The following MYOF variants were observed in gnomAD, a reference collection of about 807,000 sequenced individuals.
MYOF encodes the protein fer-1-like 3, myoferlin.
Under a neutral mutation model 284.2 loss-of-function variants are expected in MYOF, and 244 were observed. The ratio of observed to expected loss-of-function variants is 0.86; its 90% CI spans 0.77 to 0.95. The LOEUF (loss-of-function observed/expected upper bound fraction) is 0.95. MYOF is among the 40% of genes least tolerant of loss of function. The pLI is 0.00. For missense variants in MYOF, 2,496 were observed against 2,560.6 expected, an observed-to-expected ratio of 0.97 and a Z score of 0.54; for synonymous variants, 904 against 919.7, an observed-to-expected ratio of 0.98 and a Z score of 0.31.
rs748623906 is a variant in MYOF, at chr10:93,431,469, T to C, written c.284A>G (p.Gln95Arg). 4.3e-6 allele frequency: 7 copies of C among 1,614,010 alleles called. No individual in the cohort carries two copies. The African/African-American group carries it at 5.3e-5, about 12-fold the overall frequency. The change falls in exon 4 of 54, where the codon CAG becomes CGG. Residue 95 changes from glutamine (Q) to arginine (R), a missense_variant. Transcript: ENST00000359263. ...CAGCTTGTACGGCAGGGATCTGCTCTGGTCACCAGTCAGGTCCTTCAGGGC... is the reference window on the plus strand; with the variant it reads ...CAGCTTGTACGGCAGGGATCTGCTCCGGTCACCAGTCAGGTCCTTCAGGGC... ...TVALKDLTGDQSRSLPYKLIS... is the reference protein window; with the variant it reads ...TVALKDLTGDRSRSLPYKLIS...
chr10:93,393,161 A>T (rs1260620390), intron 16 of MYOF, among the ~76,000 whole-genome samples: 3 of 152,190 alleles, frequency 2.0e-5, no homozygotes, highest in Non-Finnish European at 4.4e-5. Context: ...CAGAACCACC[A>T]CACATGAATA....
At chr10:93,477,378 G>A (rs2057286902) in intron 1 of MYOF, among the ~76,000 whole-genome samples, 2 of 152,004 alleles carry the variant, frequency 1.3e-5, no homozygotes, top group African/African-American at 4.8e-5. Context: ...TGTAATCCCA[G>A]CTACTCGGGA....
chr10:93,372,996 C>T lies in MYOF; in HGVS notation c.2391G>A (p.Leu797=), dbSNP rs763743604. The part of the protein sequence containing the change: ...AYARIPAHQV[L]YSTSGENASG... ...ATGCATTCTCACCACTGGTGGAGTA[C>T]AAGACCTGATGTGCGGGAATTCGTG... The change falls in exon 24 of 54, where the codon TTG becomes TTA. Residue 797 remains leucine, a synonymous_variant. Coordinates refer to ENST00000359263, the MANE Select transcript of MYOF (RefSeq NM_013451.4). 2.5e-6 allele frequency: 4 copies of T among 1,614,220 alleles called. No homozygotes were observed. Among genetic ancestry groups the T allele is most frequent in the Admixed American group, 3.3e-5 (2 of 60,020 alleles).
intron 3 of MYOF, among the ~76,000 whole-genome samples, chr10:93,440,488 G>A (rs764239883): frequency 1.3e-5 from 2 of 151,990 alleles, no homozygotes; most frequent in Non-Finnish European, 2.9e-5. Flanking sequence ...TCACCCTGCT[G>A]TTTTCTCTCC....
intron 23 of MYOF, 128 bp from the exon 24 acceptor site, chr10:93,373,213 G>T: frequency 9.1e-7 from 1 of 1,098,604 alleles, no homozygotes; most frequent in Non-Finnish European, 1.3e-6. Flanking sequence ...TTAGGGCTCT[G>T]TCTCAAATTC....
chr10:93,336,024 T>G lies in MYOF; in HGVS notation c.4460A>C (p.Asn1487Thr), dbSNP rs770952911. The G allele has an allele frequency of 7.4e-6, 12 of 1,614,040 alleles. No individual in the cohort carries two copies. The highest frequency in any genetic ancestry group is 9.3e-6 in the Non-Finnish European group (11 of 1,179,974). ...TGTCAGGCCCTCAAATTCTGCTACATTTTCTAGTTCACAATTATATATCTG... is the reference window on the plus strand; with the variant it reads ...TGTCAGGCCCTCAAATTCTGCTACAGTTTCTAGTTCACAATTATATATCTG... ...KLKIYNCELE[N>T]VAEFEGLTDF... is the part of the protein sequence containing the mutation. Residue 1487 changes from asparagine (N) to threonine (T), a missense_variant, in exon 41 of 54, where the codon AAT (asparagine) becomes ACT (threonine). Physicochemically the swap from Asn to Thr is moderately conservative, Grantham distance 65. This residue lies in a region of MYOF where 2,436 missense variants were observed against 2,480.7 expected (regional missense o/e 0.98). Transcript: ENST00000359263.
At chr10:93,415,481 C>A (rs1332825258) in intron 5 of MYOF, among the ~76,000 whole-genome samples, 1 of 152,228 alleles carries the variant, frequency 6.6e-6, no homozygotes, top group African/African-American at 2.4e-5. Flanking sequence ...CCAGCACAGT[C>A]AAATCACTTT....
At position 93,312,908 on chromosome 10, in the gene MYOF, C is replaced by T. The variant is rs1187232184; in HGVS notation, c.5889+112G>A. Reference sequence around the variant, plus strand: ...AAACTGTTCCCATAACTTAAACTCCCACCAATTTAAAACTTCCTCATTTTA... The same window carrying T: ...AAACTGTTCCCATAACTTAAACTCCTACCAATTTAAAACTTCCTCATTTTA... On this transcript the variant is annotated intron_variant, in intron 51 of 53. Coordinates refer to ENST00000359263, the MANE Select transcript of MYOF (RefSeq NM_013451.4). The T allele has an allele frequency of 2.3e-5, 26 of 1,148,946 alleles. No homozygotes were observed. The South Asian group carries it at 4.5e-4, about 20-fold the overall frequency. The allele number at this position is 1,148,946 out of a possible 1,614,324, so 71.2% of individuals were successfully genotyped here. A position where few individuals can be genotyped will look rare whatever the true frequency, so the allele number is the denominator to read the frequency against.
intron 3 of MYOF, among the ~76,000 whole-genome samples, chr10:93,437,941 A>G (rs1024984175): frequency 6.6e-6 from 1 of 152,196 alleles, no homozygotes; most frequent in East Asian, 1.9e-4. Context: ...TTGCTTGGCC[A>G]AACTTGAGTG....
intron 48 of MYOF, among the ~76,000 whole-genome samples, chr10:93,321,872 T>G (rs1430894921): frequency 6.6e-6 from 1 of 152,220 alleles, no homozygotes; most frequent in East Asian, 1.9e-4. Context: ...TTATGCACGA[T>G]TCATCTTTTC....
rs572713143 is a variant in MYOF at position 93,361,511 on chromosome 10, C to A, written c.2915G>T (p.Gly972Val). The A allele has an allele frequency of 1.2e-6, 2 of 1,614,214 alleles. No individual in the cohort carries two copies. The highest frequency in any genetic ancestry group is 8.5e-7 in the Non-Finnish European group (1 of 1,180,030). ...ASPSELTCPP[G>V]WEWEDDAWSY... is the part of the protein sequence containing the mutation. Reference sequence around the variant, plus strand: ...CCATGCATCATCTTCCCATTCCCAACCTGGAGGACAAGTCAACTCGCTGGG... The same window carrying A: ...CCATGCATCATCTTCCCATTCCCAAACTGGAGGACAAGTCAACTCGCTGGG... Residue 972 changes from glycine to valine, a missense_variant, in exon 28 of 54, where the codon GGT (glycine) becomes GTT (valine). Transcript: ENST00000359263.
intron 44 of MYOF, 53 bp downstream of exon 44, chr10:93,329,611 G>T: frequency 2.5e-6 from 4 of 1,599,882 alleles, no homozygotes; most frequent in Non-Finnish European, 2.6e-6. Flanking sequence ...GGCCTCCCCA[G>T]GTGCCAATGT....
At chr10:93,406,865 G>A (rs1428078889) in intron 7 of MYOF, among the ~76,000 whole-genome samples, 2 of 152,000 alleles carry the variant, frequency 1.3e-5, no homozygotes, top group Non-Finnish European at 2.9e-5. Context: ...AAGGACAAAC[G>A]CCAGAGCTGG....
rs146867368 is a variant in MYOF at position 93,356,962 on chromosome 10, G to A, written c.3121-114C>T. 3,272 of 1,107,928 alleles carry A rather than the reference G, an allele frequency of 3.0e-3. 72 individuals carry two copies. In the African/African-American group the frequency reaches 0.047, roughly 16 times the overall value. The allele number at this position is 1,107,928 out of a possible 1,614,324, so 68.6% of individuals were successfully genotyped here. Reference sequence around the variant, plus strand: ...ATACACAGTATTCAAAATCTACTCTGTGCCAAGTACTGAGCTAGAGTCAGG... The same window carrying A: ...ATACACAGTATTCAAAATCTACTCTATGCCAAGTACTGAGCTAGAGTCAGG... On this transcript the variant is annotated intron_variant, in intron 29 of 53. Transcript: ENST00000359263.
intron 39 of MYOF, 150 bp from the exon 40 acceptor site, chr10:93,338,063 G>C: frequency 1.1e-5 from 7 of 640,410 alleles, no homozygotes; most frequent in Non-Finnish European, 5.5e-6. Context: ...ATGCACAATG[G>C]ACAAAGCATT....
rs769004048 is a variant in MYOF, at chr10:93,333,909, G to A, written c.4568C>T (p.Ser1523Phe). The A allele has an allele frequency of 1.4e-5, 23 of 1,613,804 alleles. No individual in the cohort carries two copies. The Admixed American group carries it at 2.8e-4, about 20-fold the overall frequency. Residue 1523 changes from serine (S) to phenylalanine (F), a missense_variant, in exon 42 of 54, where the codon TCC (serine) becomes TTC (phenylalanine). By Grantham distance (155) the Ser-to-Phe change is radical (BLOSUM62 -2). Around this residue, in one of 3 missense-constraint regions of MYOF, gnomAD observed 2,436 missense variants for 2,480.7 expected, o/e 0.98. Transcript: ENST00000359263. Reference protein sequence around the residue: ...DPSVVGEFKGSFRIYPLPDDP... With the variant: ...DPSVVGEFKGFFRIYPLPDDP... ...ATCCGGCAGAGGGTAGATCCGAAAGGAGCCCTAAAAGAGAGAGACAGAAGG... is the reference window on the plus strand; with the variant it reads ...ATCCGGCAGAGGGTAGATCCGAAAGAAGCCCTAAAAGAGAGAGACAGAAGG...
intron 5 of MYOF, among the ~76,000 whole-genome samples, chr10:93,422,763 T>C (rs1008759231): frequency 6.6e-6 from 1 of 152,110 alleles, no homozygotes; most frequent in African/African-American, 2.4e-5. Flanking sequence ...GTCACTGCAC[T>C]CCGGCCTGGG....
chr10:93,470,238 AAAAG>A (rs1390923821), intron 1 of MYOF, among the ~76,000 whole-genome samples: 1 of 58,816 alleles, frequency 1.7e-5, no homozygotes, highest in African/African-American at 5.5e-5. Flanking sequence ...CAAAAAAAAA[AAAAG>A]AAAGAAACAA....
chr10:93,404,011 G>C lies in MYOF; in HGVS notation c.843+12C>G. ...TTCTGTAAGTTGAATGAAGCAGACT[G>C]TTGTCACTCACCTTAAATTCCCCCA... On this transcript the variant is annotated intron_variant, in intron 9 of 53. Transcript: ENST00000359263. 1 of 1,612,748 alleles carries C rather than the reference G, an allele frequency of 6.2e-7. No individual in the cohort carries two copies. The highest frequency in any genetic ancestry group is 2.2e-5 in the East Asian group (1 of 44,864).
Sources: gnomAD v4.1 joint callset for allele counts (sites outside exome capture counted in the v4.1 genomes callset) on GRCh38, gnomAD v4.1.1 for gene constraint, gnomAD v4.1.1 regional missense constraint, MANE v1.5 for transcripts, NCBI Gene and HGNC (gene_info 2026-07-23, HGNC 2026-07-21) for gene names.